Variants in NELL1 observed in about 807,000 individuals in gnomAD.
The protein encoded by NELL1 is neural EGFL like 1.
NELL1 carries 76 observed loss-of-function variants against 107.4 expected under a neutral mutation model. That is an observed-to-expected ratio of 0.71 (90% CI 0.59 to 0.86). The LOEUF (loss-of-function observed/expected upper bound fraction) is 0.86, where lower values mean the gene tolerates loss of function less well. Among genes scored for constraint, NELL1 ranks in the 40% least tolerant of loss-of-function variants. NELL1 has a pLI of 0.00. For synonymous variants in NELL1, 353 were observed against 341.2 expected, an observed-to-expected ratio of 1.03 and a Z score of -0.38; for missense variants, 1,024 against 1,005.5, an observed-to-expected ratio of 1.02 and a Z score of -0.25.
intron 13 of NELL1, among the ~76,000 whole-genome samples, chr11:21,176,369 C>T (rs1856712511): frequency 6.6e-6 from 1 of 151,724 alleles, no homozygotes; most frequent in African/African-American, 2.4e-5. Context: ...ACATTTATTT[C>T]CAGAGCCCTC....
intron 15 of NELL1, among the ~76,000 whole-genome samples, chr11:21,437,733 TG>T (rs1156256047): frequency 6.6e-6 from 1 of 152,248 alleles, no homozygotes; most frequent in Non-Finnish European, 1.5e-5. Context: ...TGCATGATTT[TG>T]TTTTCCATTT....
In NELL1 at chr11:21,509,757, ATTAT is replaced by A. The variant is rs74977354; in HGVS notation, c.1646-24612_1646-24609del. On this transcript the variant is annotated intron_variant, in intron 15 of 19. Transcript: ENST00000357134. ...AAAAGACGTCTTTGATTACTTAGTA[ATTAT>A]TTATCTATTTAACTAGATGACAGAT... Among the ~76,000 whole-genome samples, 2,133 of 152,278 alleles carry A rather than the reference ATTAT, an allele frequency of 0.014. 141 individuals carry two copies. The East Asian group carries it at 0.23, about 16-fold the overall frequency.
intron 12 of NELL1, among the ~76,000 whole-genome samples, chr11:20,986,845 T>G (rs1402707640): frequency 6.6e-6 from 1 of 152,174 alleles, no homozygotes; most frequent in East Asian, 1.9e-4. Flanking sequence ...AATTAGGGAA[T>G]GCAGTTATCA....
chr11:20,700,496 AAAAAT>A (rs1854749041), intron 2 of NELL1, among the ~76,000 whole-genome samples: 1 of 150,840 alleles, frequency 6.6e-6, no homozygotes, highest in South Asian at 2.1e-4. Context: ...ACAAAGAAAA[AAAAAT>A]ATATATATTT....
chr11:20,930,598 A>G (rs1379123917), intron 9 of NELL1, among the ~76,000 whole-genome samples: 2 of 152,176 alleles, frequency 1.3e-5, no homozygotes, highest in Non-Finnish European at 2.9e-5. Flanking sequence ...CTGAAAATAG[A>G]ATTCTTCAGG....
At chr11:20,999,974 G>C (rs1290644600) in intron 12 of NELL1, among the ~76,000 whole-genome samples, 1 of 150,402 alleles carries the variant, frequency 6.6e-6, no homozygotes, top group African/African-American at 2.4e-5. Flanking sequence ...TCATATGAAG[G>C]TTGTGTGTGT....
chr11:21,195,943 C>G (rs1857143127), intron 13 of NELL1, among the ~76,000 whole-genome samples: 1 of 152,162 alleles, frequency 6.6e-6, no homozygotes, highest in South Asian at 2.1e-4. Flanking sequence ...GTGTTATTAC[C>G]TCCCACCTTG....
intron 12 of NELL1, among the ~76,000 whole-genome samples, chr11:21,094,647 C>T (rs916772190): frequency 3.3e-5 from 5 of 152,204 alleles, no homozygotes; most frequent in African/African-American, 1.2e-4. Flanking sequence ...GCAAGCTTAA[C>T]ACCATGTGGA....
chr11:21,298,936 G>C (rs181575077), intron 14 of NELL1, among the ~76,000 whole-genome samples: 38 of 152,018 alleles, frequency 2.5e-4, no homozygotes, highest in African/African-American at 7.7e-4. Flanking sequence ...AGGCTATTTT[G>C]TATTTGTCTA....
At chr11:21,135,896 C>A (rs552253777) in intron 13 of NELL1, among the ~76,000 whole-genome samples, 1 of 152,094 alleles carries the variant, frequency 6.6e-6, no homozygotes, top group African/African-American at 2.4e-5. Flanking sequence ...TGGTGTTTCA[C>A]TTTCATATCT....
chr11:21,049,367 C>A (rs11025891), intron 12 of NELL1, among the ~76,000 whole-genome samples: 1 of 151,912 alleles, frequency 6.6e-6, no homozygotes, highest in Non-Finnish European at 1.5e-5. Flanking sequence ...CCCTTTTCAA[C>A]GTGCTTTTGA....
intron 4 of NELL1, among the ~76,000 whole-genome samples, chr11:20,873,957 G>A (rs769273095): frequency 2.0e-5 from 3 of 152,022 alleles, no homozygotes; most frequent in Non-Finnish European, 2.9e-5. Context: ...AGAGATGTGG[G>A]TCTTCCTATG....
intron 14 of NELL1, among the ~76,000 whole-genome samples, chr11:21,334,010 T>A (rs1444913101): frequency 6.6e-6 from 1 of 152,112 alleles, no homozygotes; most frequent in African/African-American, 2.4e-5. Flanking sequence ...CATAGAAATT[T>A]CTGCATGTGC....
At chr11:20,703,610 A>C (rs372683193) in intron 2 of NELL1, among the ~76,000 whole-genome samples, 1 of 152,086 alleles carries the variant, frequency 6.6e-6, no homozygotes, top group East Asian at 1.9e-4. Context: ...TGTCAATTTT[A>C]GATCTTTCCT....
chr11:20,951,708 G>A (rs1007958363), intron 11 of NELL1, among the ~76,000 whole-genome samples: 1 of 152,150 alleles, frequency 6.6e-6, no homozygotes, highest in South Asian at 2.1e-4. Flanking sequence ...AGGGAATCAA[G>A]GTGATGGATA....
chr11:21,228,524 G>A (rs1054813038), intron 13 of NELL1, among the ~76,000 whole-genome samples: 2 of 152,068 alleles, frequency 1.3e-5, no homozygotes, highest in African/African-American at 4.8e-5. Flanking sequence ...TCCTGTGCTC[G>A]CCAGCCTTCC....
chr11:21,103,512 G>A (rs774293564), intron 12 of NELL1, among the ~76,000 whole-genome samples: 1 of 152,126 alleles, frequency 6.6e-6, no homozygotes, highest in Non-Finnish European at 1.5e-5. Context: ...ATACCTACCT[G>A]TGTGGTACTT....
chr11:20,863,864 A>T (rs7937414), intron 4 of NELL1, among the ~76,000 whole-genome samples: 1 of 152,090 alleles, frequency 6.6e-6, no homozygotes, highest in Admixed American at 6.5e-5. Context: ...CCGGCACCTC[A>T]GGAGGCGGAA....
intron 2 of NELL1, among the ~76,000 whole-genome samples, chr11:20,758,311 C>T (rs943354453): frequency 1.9e-4 from 29 of 152,134 alleles, no homozygotes; most frequent in African/African-American, 6.5e-4. Flanking sequence ...CATGGTGTCG[C>T]CTGATTCAGA....
Sources: allele counts gnomAD v4.1 joint callset (sites outside exome capture counted in the v4.1 genomes callset), GRCh38; gene constraint gnomAD v4.1.1; transcripts MANE v1.5; gene names NCBI Gene and HGNC (gene_info 2026-07-23, HGNC 2026-07-21).